ANKRD36: variants seen among roughly 807,000 people sequenced by gnomAD.
ANKRD36 encodes the protein ankyrin repeat domain-containing protein 36A.
ANKRD36 carries 179 observed loss-of-function variants against 278.1 expected under a neutral mutation model. The ratio of observed to expected loss-of-function variants is 0.64; its 90% CI spans 0.57 to 0.73. The LOEUF (loss-of-function observed/expected upper bound fraction) is 0.73, where lower values mean the gene tolerates loss of function less well. ANKRD36 is among the 30% of genes least tolerant of loss of function. ANKRD36 has a pLI of 0.00. For synonymous variants in ANKRD36, 320 were observed against 641.1 expected, an observed-to-expected ratio of 0.50 and a Z score of 7.57; for missense variants, 1,159 against 1,956.7, an observed-to-expected ratio of 0.59 and a Z score of 7.69.
chr2:97,174,203 A>G (rs11888429), intron 22 of ANKRD36, among the ~76,000 whole-genome samples: 1 of 151,782 alleles, frequency 6.6e-6, no homozygotes, highest in Non-Finnish European at 1.5e-5. Context: ...ACAGTGAGAA[A>G]GTCGAACTGC....
At chr2:97,139,950 G>T (rs188955985) in intron 6 of ANKRD36, among the ~76,000 whole-genome samples, 54 of 151,978 alleles carry the variant, frequency 3.6e-4, no homozygotes, top group African/African-American at 1.3e-3. Flanking sequence ...GATGTCAAAT[G>T]ACAAATAGGC....
At position 97,122,978 on chromosome 2, in the gene ANKRD36, T is replaced by TTGA. The variant is rs2037313461; in HGVS notation, c.580_582dup (p.Asp194dup). On this transcript the variant is annotated inframe_insertion, in exon 4 of 76. Coordinates refer to ENST00000420699, the MANE Select transcript of ANKRD36 (RefSeq NM_001354587.1). Reference sequence around the variant, plus strand: ...AAGAAAAAAGCAAATGTAAATGCCATTGATTATCTTGGCAGGTACAGACCT... The same window carrying TTGA: ...AAGAAAAAAGCAAATGTAAATGCCATTGATGATTATCTTGGCAGGTACAGACCT... The TTGA allele has an allele frequency of 6.5e-7, 1 of 1,541,338 alleles. No individual in the cohort carries two copies. The highest frequency in any genetic ancestry group is 8.8e-7 in the Non-Finnish European group (1 of 1,140,732).
intron 17 of ANKRD36, among the ~76,000 whole-genome samples, chr2:97,159,023 G>A (rs1338073208): frequency 3.3e-5 from 5 of 151,944 alleles, no homozygotes; most frequent in Non-Finnish European, 4.4e-5. Context: ...GGTGAGGAGG[G>A]GAAAGAAGTA....
At chr2:97,231,662 G>A (rs1192072298) in intron 67 of ANKRD36, among the ~76,000 whole-genome samples, 4 of 152,084 alleles carry the variant, frequency 2.6e-5, no homozygotes, top group Non-Finnish European at 5.9e-5. Context: ...CCACTGTCTG[G>A]CACTCTTTAG....
In ANKRD36 at chr2:97,261,388, G is replaced by A. The variant is rs1341304224; in HGVS notation, c.*7-2941G>A. On this transcript the variant is annotated intron_variant, in intron 75 of 75. Coordinates refer to ENST00000420699, the MANE Select transcript of ANKRD36 (RefSeq NM_001354587.1). Reference sequence around the variant, plus strand: ...AAATCCAAGCCTACCCATTCTTCCCGGAAGGAGCTTGATTATGCATTGAAT... The same window carrying A: ...AAATCCAAGCCTACCCATTCTTCCCAGAAGGAGCTTGATTATGCATTGAAT... Among the ~76,000 whole-genome samples the A allele has an allele frequency of 7.4e-4, 98 of 133,166 alleles. 1 individual carries two copies. The East Asian group carries it at 0.034, about 46-fold the overall frequency. The allele number at this position is 133,166 out of a possible 152,430, so 87.4% of individuals were successfully genotyped here.
intron 35 of ANKRD36, 30 bp from the exon 36 acceptor site, chr2:97,191,079 A>T (rs562632462): frequency 6.3e-7 from 1 of 1,591,562 alleles, no homozygotes; most frequent in Non-Finnish European, 8.6e-7. Context: ...TGATTTATTT[A>T]TTTATTACTT....
intron 67 of ANKRD36, among the ~76,000 whole-genome samples, chr2:97,226,128 G>C (rs1397053352): frequency 1.3e-5 from 2 of 151,534 alleles, no homozygotes; most frequent in African/African-American, 4.8e-5. Context: ...ATAGTCCTTT[G>C]GGTATATACC....
intron 26 of ANKRD36, 40 bp from the exon 27 acceptor site, chr2:97,183,419 A>G: frequency 6.5e-7 from 1 of 1,530,366 alleles, no homozygotes; most frequent in Non-Finnish European, 8.8e-7. Context: ...ACTTTGTCAT[A>G]TTTACATATG....
At position 97,170,446 on chromosome 2, in the gene ANKRD36, A is replaced by C. The variant is rs545837728; in HGVS notation, c.1633+2679A>C. 6.2e-4 allele frequency among the ~76,000 whole-genome samples: 94 copies of C among 152,034 alleles called. 2 individuals carry two copies. The South Asian group carries it at 0.014, about 23-fold the overall frequency. ...CTTTGACAAACCTGACAAAAACAAG[A>C]AATGGGGAAAGGATTCCCTATTTAA... On this transcript the variant is annotated intron_variant, in intron 22 of 75. Coordinates refer to ENST00000420699, the MANE Select transcript of ANKRD36 (RefSeq NM_001354587.1).
At chr2:97,134,343 T>A (rs1045278735) in intron 6 of ANKRD36, among the ~76,000 whole-genome samples, 22 of 152,010 alleles carry the variant, frequency 1.4e-4, no homozygotes, top group Admixed American at 5.3e-4. Flanking sequence ...TTGAGGAAAA[T>A]GACTTCATGC....
intron 20 of ANKRD36, among the ~76,000 whole-genome samples, chr2:97,166,517 TA>T (rs1369262365): frequency 1.3e-5 from 2 of 152,112 alleles, no homozygotes; most frequent in East Asian, 3.8e-4. Context: ...GAAGACCAGA[TA>T]GTGAGATTAG....
chr2:97,185,893 T>C (rs1022269519), intron 30 of ANKRD36, among the ~76,000 whole-genome samples: 6 of 151,780 alleles, frequency 4.0e-5, no homozygotes, highest in African/African-American at 1.5e-4. Context: ...GGAAAAGTGA[T>C]CGTAATAACC....
chr2:97,179,801 A>C, intron 23 of ANKRD36, 35 bp downstream of exon 23: 1 of 1,597,634 alleles, frequency 6.3e-7, no homozygotes, highest in East Asian at 2.2e-5. Flanking sequence ...TGAACTATTA[A>C]CTGTATAGTC....
intron 40 of ANKRD36, among the ~76,000 whole-genome samples, chr2:97,195,494 A>G (rs1226428075): frequency 6.6e-6 from 1 of 152,024 alleles, no homozygotes; most frequent in South Asian, 2.1e-4. Flanking sequence ...ACAATATTTG[A>G]TTTTGGCAGC....
chr2:97,199,019 C>T (rs1408897138), intron 44 of ANKRD36, among the ~76,000 whole-genome samples: 1 of 151,868 alleles, frequency 6.6e-6, no homozygotes, highest in Non-Finnish European at 1.5e-5. Context: ...CTCGCACTGC[C>T]AAGAAAAGAC....
chr2:97,185,189 G>C, intron 28 of ANKRD36, 127 bp from the exon 29 acceptor site: 2 of 1,320,748 alleles, frequency 1.5e-6, no homozygotes, highest in Admixed American at 4.9e-5. Flanking sequence ...CCAGTCCCCA[G>C]ACACAAAAAT....
chr2:97,194,981 A>C, intron 40 of ANKRD36, 64 bp downstream of exon 40: 3 of 1,527,354 alleles, frequency 2.0e-6, no homozygotes, highest in Non-Finnish European at 2.6e-6. Context: ...TTCCCCGAAT[A>C]AATCAGTGGG....
In ANKRD36 at chr2:97,137,492, C is replaced by T. The variant is rs1476221716; in HGVS notation, c.800-5148C>T. 6.6e-5 allele frequency among the ~76,000 whole-genome samples: 10 copies of T among 151,840 alleles called. No homozygotes were observed. In the East Asian group the frequency reaches 1.9e-3, roughly 29 times the overall value. ...TAATAAAGAGTCTTGCTATGTTGCC[C>T]AGTCTGTTCTCAAACTCCTGGGCTT... is the stretch of plus-strand genomic sequence containing the variant. On this transcript the variant is annotated intron_variant, in intron 6 of 75. Coordinates refer to ENST00000420699, the MANE Select transcript of ANKRD36 (RefSeq NM_001354587.1).
At chr2:97,205,788 T>G (rs1054332931) in intron 50 of ANKRD36, among the ~76,000 whole-genome samples, 152 bp from the exon 51 acceptor site, 9 of 151,542 alleles carry the variant, frequency 5.9e-5, no homozygotes, top group African/African-American at 1.7e-4. Flanking sequence ...TGTATTTGTG[T>G]CATTTTCTAG....
Sources: allele counts gnomAD v4.1 joint callset (sites outside exome capture counted in the v4.1 genomes callset), GRCh38; gene constraint gnomAD v4.1.1; transcripts MANE v1.5; gene names NCBI Gene and HGNC (gene_info 2026-07-23, HGNC 2026-07-21).